Variants in GDAP1 observed in about 807,000 individuals in gnomAD.
GDAP1 encodes ganglioside-induced differentiation-associated protein 1.
In GDAP1, 34 loss-of-function variants were observed where a neutral mutation model predicts 40.1. The observed-to-expected ratio is 0.85, with a 90% CI of 0.64 to 1.13. The LOEUF (loss-of-function observed/expected upper bound fraction) is 1.13. GDAP1 is among the 50% of genes most tolerant of loss of function. The pLI is 0.00. For synonymous variants in GDAP1, 170 were observed against 157.4 expected, an observed-to-expected ratio of 1.08 and a Z score of -0.60; for missense variants, 374 against 433.7, an observed-to-expected ratio of 0.86 and a Z score of 1.22.
chr8:74,396,689 C>T (rs1022544399), intron 2 of GDAP1, among the ~76,000 whole-genome samples: 1 of 152,242 alleles, frequency 6.6e-6, no homozygotes, highest in South Asian at 2.1e-4. Context: ...ATGAACTCAT[C>T]GTTTTTTCTG....
At chr8:74,358,007 G>T (rs1809185429) in intron 2 of GDAP1, among the ~76,000 whole-genome samples, 1 of 152,212 alleles carries the variant, frequency 6.6e-6, no homozygotes, top group Non-Finnish European at 1.5e-5. Flanking sequence ...GAGGATGGCA[G>T]CGCAGTGCCC....
chr8:74,429,460 GTT>G, intron 2 of GDAP1, among the ~76,000 whole-genome samples: 1 of 152,294 alleles, frequency 6.6e-6, no homozygotes, highest in African/African-American at 2.4e-5. Flanking sequence ...GACAGGGAAG[GTT>G]AAACAGCAGA....
chr8:74,449,443 T>A (rs1429025103), intron 2 of GDAP1, among the ~76,000 whole-genome samples: 3 of 151,914 alleles, frequency 2.0e-5, no homozygotes, highest in East Asian at 3.8e-4. Context: ...CAATACTGAC[T>A]CTTCAAATTC....
chr8:74,480,695 A>G (rs1163773143), intron 2 of GDAP1, among the ~76,000 whole-genome samples: 1 of 152,214 alleles, frequency 6.6e-6, no homozygotes, highest in Non-Finnish European at 1.5e-5. Flanking sequence ...ACATTTCTAG[A>G]GGTCAACTTT....
rs934527538 is a variant in GDAP1 at position 74,376,493 on chromosome 8, C to T, written c.165+25172C>T. 4.0e-5 allele frequency among the ~76,000 whole-genome samples: 6 copies of T among 151,892 alleles called. No individual in the cohort carries two copies. In the East Asian group the frequency reaches 5.8e-4, roughly 15 times the overall value. Reference sequence around the variant, plus strand: ...CCTCCTGAGTAGCTGGGACTACGGGCGCCCGCCACCAAGCCCGGCTAATTT... The same window carrying T: ...CCTCCTGAGTAGCTGGGACTACGGGTGCCCGCCACCAAGCCCGGCTAATTT... On this transcript the variant is annotated intron_variant, in intron 2 of 2. Transcript: ENST00000523640.
At chr8:74,404,207 C>T (rs1292620305) in intron 2 of GDAP1, among the ~76,000 whole-genome samples, 2 of 149,544 alleles carry the variant, frequency 1.3e-5, no homozygotes, top group African/African-American at 2.6e-5. Context: ...TAAAAAAAAT[C>T]CTGTCTTAGG....
intron 2 of GDAP1, among the ~76,000 whole-genome samples, chr8:74,423,251 T>C (rs951041783): frequency 4.1e-5 from 6 of 147,312 alleles, no homozygotes; most frequent in Non-Finnish European, 8.9e-5. Context: ...ATACTATATA[T>C]AATAGTATAT....
chr8:74,405,309 C>G (rs987416369), intron 2 of GDAP1, among the ~76,000 whole-genome samples: 6 of 150,174 alleles, frequency 4.0e-5, no homozygotes, highest in South Asian at 2.1e-4. Context: ...AGGATTGTTA[C>G]AATTCAAGGT....
chr8:74,383,366 C>T (rs1023089358), intron 2 of GDAP1, among the ~76,000 whole-genome samples: 3 of 152,168 alleles, frequency 2.0e-5, no homozygotes, highest in Non-Finnish European at 2.9e-5. Context: ...TTGACCTGGA[C>T]TTGTTCCAAA....
intron 2 of GDAP1, among the ~76,000 whole-genome samples, chr8:74,426,967 T>A (rs1279723278): frequency 1.3e-5 from 2 of 152,230 alleles, no homozygotes; most frequent in Non-Finnish European, 2.9e-5. Flanking sequence ...GTTATAACCA[T>A]GGCCTCTTAT....
chr8:74,423,949 A>G (rs1259521272), intron 2 of GDAP1, among the ~76,000 whole-genome samples: 1 of 151,932 alleles, frequency 6.6e-6, no homozygotes, highest in Non-Finnish European at 1.5e-5. Context: ...GAGAAGATAA[A>G]CCCCTCTGGG....
intron 3 of GDAP1, 73 bp downstream of exon 3, chr8:74,360,383 C>A: frequency 8.1e-7 from 1 of 1,231,964 alleles, no homozygotes; most frequent in Non-Finnish European, 1.2e-6. Flanking sequence ...CCTAGCATGT[C>A]TCATGGTCAC....
At chr8:74,483,860 G>T (rs1376864834) in intron 2 of GDAP1, among the ~76,000 whole-genome samples, 1 of 152,160 alleles carries the variant, frequency 6.6e-6, no homozygotes, top group African/African-American at 2.4e-5. Context: ...TTCTGCTAAA[G>T]GCTGTGTGTC....
At chr8:74,450,172 A>T (rs1054487966) in intron 2 of GDAP1, among the ~76,000 whole-genome samples, 10 of 151,336 alleles carry the variant, frequency 6.6e-5, no homozygotes, top group Admixed American at 6.6e-4. Flanking sequence ...TTGACTTCCC[A>T]TTTAATTCCA....
At chr8:74,407,066 C>T (rs977546963) in intron 2 of GDAP1, among the ~76,000 whole-genome samples, 3 of 149,438 alleles carry the variant, frequency 2.0e-5, no homozygotes, top group Non-Finnish European at 4.4e-5. Flanking sequence ...AATCAATCAC[C>T]CTTATGTTAT....
intron 2 of GDAP1, among the ~76,000 whole-genome samples, chr8:74,409,624 A>G (rs1805683214): frequency 1.3e-5 from 2 of 150,058 alleles, no homozygotes; most frequent in South Asian, 2.1e-4. Flanking sequence ...ATGTTCTGCA[A>G]TTATAGGCGT....
At chr8:74,436,163 A>C (rs2131568006) in intron 2 of GDAP1, among the ~76,000 whole-genome samples, 1 of 152,292 alleles carries the variant, frequency 6.6e-6, no homozygotes, top group Non-Finnish European at 1.5e-5. Flanking sequence ...ATTGGACTTA[A>C]GACTCAGAGG....
intron 2 of GDAP1, among the ~76,000 whole-genome samples, chr8:74,450,556 T>C (rs1303871200): frequency 6.6e-6 from 1 of 151,962 alleles, no homozygotes; most frequent in East Asian, 1.9e-4. Context: ...CATACACATT[T>C]CTCTGGTAGT....
intron 2 of GDAP1, among the ~76,000 whole-genome samples, chr8:74,385,195 T>G (rs922471737): frequency 1.3e-5 from 2 of 152,134 alleles, no homozygotes; most frequent in Non-Finnish European, 2.9e-5. Context: ...ATTATTATTA[T>G]AGTTTAAGTT....
Sources: allele counts gnomAD v4.1 joint callset (sites outside exome capture counted in the v4.1 genomes callset), GRCh38; gene constraint gnomAD v4.1.1; transcripts MANE v1.5; gene names NCBI Gene and HGNC (gene_info 2026-07-23, HGNC 2026-07-21).